The following OPCML variants were observed in gnomAD, a reference collection of about 807,000 sequenced individuals.
The protein encoded by OPCML is opioid binding protein/cell adhesion molecule like.
In OPCML, 13 loss-of-function variants were observed where a neutral mutation model predicts 37.8. That is an observed-to-expected ratio of 0.34 (90% CI 0.22 to 0.55). The LOEUF is 0.55. Ranked by LOEUF, OPCML falls within the 20% of genes least tolerant of loss-of-function variation. The pLI, the probability that OPCML is intolerant of heterozygous loss-of-function variation, is 0.91. For missense variants in OPCML, 341 were observed against 435.6 expected, an observed-to-expected ratio of 0.78 and a Z score of 1.93; for synonymous variants, 176 against 168.8, an observed-to-expected ratio of 1.04 and a Z score of -0.33.
At chr11:132,649,249 C>T (rs1941310306) in intron 3 of OPCML, among the ~76,000 whole-genome samples, 1 of 152,088 alleles carries the variant, frequency 6.6e-6, no homozygotes, top group African/African-American at 2.4e-5. Flanking sequence ...GAGAAAAGGC[C>T]TGATACAAGG....
intron 1 of OPCML, among the ~76,000 whole-genome samples, chr11:133,342,551 C>T (rs1943896853): frequency 1.3e-5 from 2 of 152,188 alleles, no homozygotes; most frequent in South Asian, 4.1e-4. Flanking sequence ...GACACATAAA[C>T]AAGGCGGGCT....
intron 1 of OPCML, among the ~76,000 whole-genome samples, chr11:133,095,323 T>C (rs1236029114): frequency 6.8e-6 from 1 of 147,270 alleles, no homozygotes. Flanking sequence ...CGTGTATTTT[T>C]GTTTAGGGTG....
intron 1 of OPCML, among the ~76,000 whole-genome samples, chr11:133,070,929 G>A (rs1948522734): frequency 6.6e-6 from 1 of 152,138 alleles, no homozygotes; most frequent in Non-Finnish European, 1.5e-5. Flanking sequence ...TCAGTCTTCT[G>A]AGACACAGGA....
At chr11:132,582,686 A>G (rs138848110) in intron 3 of OPCML, among the ~76,000 whole-genome samples, 75 of 152,288 alleles carry the variant, frequency 4.9e-4, no homozygotes, top group African/African-American at 1.7e-3. Context: ...AGTTTCCAGG[A>G]CATTTTGATA....
At chr11:133,036,558 G>C (rs1219716121) in intron 1 of OPCML, among the ~76,000 whole-genome samples, 1 of 152,178 alleles carries the variant, frequency 6.6e-6, no homozygotes, top group Non-Finnish European at 1.5e-5. Context: ...ACACTAATGT[G>C]CTTCAGGGTT....
chr11:133,374,578 CACTG>C (rs1944757124), intron 1 of OPCML, among the ~76,000 whole-genome samples: 1 of 152,200 alleles, frequency 6.6e-6, no homozygotes, highest in South Asian at 2.1e-4. Flanking sequence ...TTGCCTTTGG[CACTG>C]ACTATTGTAA....
At chr11:133,400,303 T>C (rs2136835957) in intron 1 of OPCML, among the ~76,000 whole-genome samples, 1 of 152,378 alleles carries the variant, frequency 6.6e-6, no homozygotes, top group South Asian at 2.1e-4. Context: ...CACTTGATCC[T>C]GACCAACGGG....
chr11:132,439,543 C>A (rs1214440811), intron 4 of OPCML, among the ~76,000 whole-genome samples: 1 of 152,170 alleles, frequency 6.6e-6, no homozygotes, highest in Non-Finnish European at 1.5e-5. Flanking sequence ...CTTTATTTCT[C>A]TATAGGCTAA....
chr11:133,204,890 A>ATGTG (rs1281644960), intron 1 of OPCML, among the ~76,000 whole-genome samples: 1 of 131,968 alleles, frequency 7.6e-6, no homozygotes, highest in Non-Finnish European at 1.6e-5. Context: ...ATATATATAT[A>ATGTG]TATATATATA....
chr11:132,797,939 T>C (rs1938425991), intron 2 of OPCML, among the ~76,000 whole-genome samples: 1 of 152,176 alleles, frequency 6.6e-6, no homozygotes, highest in Non-Finnish European at 1.5e-5. Flanking sequence ...CCACGTTGAT[T>C]GACTCTTCCT....
intron 1 of OPCML, among the ~76,000 whole-genome samples, chr11:133,309,178 A>G (rs901308409): frequency 2.0e-5 from 3 of 152,206 alleles, no homozygotes; most frequent in African/African-American, 7.2e-5. Context: ...AAATATTTAC[A>G]AAGGGAATAA....
intron 1 of OPCML, among the ~76,000 whole-genome samples, chr11:133,051,566 T>A (rs1025788093): frequency 1.4e-4 from 21 of 152,210 alleles, no homozygotes; most frequent in Non-Finnish European, 7.3e-5. Context: ...CTCACTTGCC[T>A]GCCCCACTCC....
intron 1 of OPCML, among the ~76,000 whole-genome samples, chr11:133,266,980 C>G (rs1370160124): frequency 6.6e-6 from 1 of 152,128 alleles, no homozygotes; most frequent in Admixed American, 6.5e-5. Context: ...AATCTTTGGA[C>G]AGATAAAGAT....
At chr11:132,592,326 T>C (rs567136116) in intron 3 of OPCML, among the ~76,000 whole-genome samples, 1 of 152,054 alleles carries the variant, frequency 6.6e-6, no homozygotes, top group Admixed American at 6.5e-5. Context: ...GGGAGGGGCA[T>C]ATGGAGGGAG....
At chr11:132,496,843 G>C (rs1283035327) in intron 4 of OPCML, among the ~76,000 whole-genome samples, 1 of 152,200 alleles carries the variant, frequency 6.6e-6, no homozygotes, top group South Asian at 2.1e-4. Context: ...AAGAAGCAAA[G>C]AGAAGATCAG....
At chr11:133,006,672 C>A (rs1241764215) in intron 1 of OPCML, 3 of 985,272 alleles carry the variant, frequency 3.0e-6, no homozygotes, top group Non-Finnish European at 3.6e-6. Context: ...CTTCCCTGAT[C>A]CCACATGTCT....
chr11:132,928,107 A>G (rs945570047), intron 2 of OPCML, among the ~76,000 whole-genome samples: 3 of 152,146 alleles, frequency 2.0e-5, no homozygotes, highest in South Asian at 2.1e-4. Flanking sequence ...ACAAAACAGC[A>G]TAGTAAGTCA....
intron 2 of OPCML, among the ~76,000 whole-genome samples, chr11:132,673,169 G>A (rs1205542196): frequency 6.6e-6 from 1 of 152,164 alleles, no homozygotes; most frequent in East Asian, 1.9e-4. Context: ...ACTGATGAGT[G>A]GTATCGTCCT....
chr11:132,918,949 G>A (rs1415564937), intron 2 of OPCML, among the ~76,000 whole-genome samples: 1 of 152,242 alleles, frequency 6.6e-6, no homozygotes, highest in African/African-American at 2.4e-5. Flanking sequence ...AAAAATTCAG[G>A]CCGAATTAAG....
Sources: gnomAD v4.1 joint callset for allele counts (sites outside exome capture counted in the v4.1 genomes callset) on GRCh38, gnomAD v4.1.1 for gene constraint, MANE v1.5 for transcripts, NCBI Gene and HGNC (gene_info 2026-07-23, HGNC 2026-07-21) for gene names.